The following CCNH variants were observed in gnomAD, a reference collection of about 807,000 sequenced individuals.
CCNH encodes cyclin H, also known as cyclin-H.
A neutral mutation model predicts 41.9 loss-of-function variants in CCNH; 31 were observed. The ratio of observed to expected loss-of-function variants is 0.74; its 90% CI spans 0.56 to 1.00. The LOEUF (loss-of-function observed/expected upper bound fraction) is 1.00. CCNH is among the 50% of genes least tolerant of loss of function. The pLI, the probability that CCNH is intolerant of heterozygous loss-of-function variation, is 0.00. For synonymous variants in CCNH, 138 were observed against 136.1 expected (o/e 1.01, Z -0.10); for missense variants, 362 against 388.4 (o/e 0.93, Z 0.57).
At chr5:87,379,226 G>A (rs532898003), upstream of CCNH, among the ~76,000 whole-genome samples, 75 of 152,282 alleles carry the variant, frequency 4.9e-4, 1 homozygote, top group Admixed American at 2.2e-3. Flanking sequence ...TGTTGGAAAT[G>A]TGGGGTAATG....
downstream of CCNH, among the ~76,000 whole-genome samples, chr5:87,375,905 T>C (rs904827128): frequency 2.6e-5 from 4 of 152,234 alleles, no homozygotes; most frequent in East Asian, 1.9e-4. Flanking sequence ...CCAAACCCCA[T>C]AGTAATGACA....
In CCNH at chr5:87,343,171, T is replaced by C. The variant is rs576468599; in HGVS notation, c.*91-24274A>G. ...GTAACCTTTGAGATTAAATAGATGG[T>C]ATAACTTTGGTTGAATTTCTTTCCA... is the stretch of plus-strand genomic sequence containing the variant. On this transcript the variant is annotated intron_variant and NMD_transcript_variant, in intron 9 of 9. Transcript: ENST00000645953. 3.3e-5 allele frequency among the ~76,000 whole-genome samples: 5 copies of C among 152,326 alleles called. 1 individual carries two copies. The South Asian group carries it at 1.0e-3, about 32-fold the overall frequency.
At chr5:87,342,531 T>C (rs186091939) in intron 9 of CCNH, among the ~76,000 whole-genome samples, 3 of 152,294 alleles carry the variant, frequency 2.0e-5, no homozygotes, top group African/African-American at 7.2e-5. Flanking sequence ...GGGTCAAGTA[T>C]ATATATTCCC....
chr5:87,334,522 A>G (rs1757826738), intron 9 of CCNH, among the ~76,000 whole-genome samples: 1 of 152,246 alleles, frequency 6.6e-6, no homozygotes, highest in Admixed American at 6.5e-5. Flanking sequence ...AAAATTAGCC[A>G]TCACAGTCCA....
chr5:87,362,777 G>C (rs11957884), intron 9 of CCNH: 1 of 1,310,860 alleles, frequency 7.6e-7, no homozygotes, highest in Non-Finnish European at 1.1e-6. Flanking sequence ...TGAGTTATTA[G>C]TAATTGACAC....
intron 9 of CCNH, among the ~76,000 whole-genome samples, chr5:87,323,209 A>G (rs191418579): frequency 6.6e-6 from 1 of 152,324 alleles, no homozygotes. Flanking sequence ...AAATTGTGTA[A>G]TATTTCACCC....
intron 8 of CCNH, chr5:87,394,753 G>A (rs747196447): frequency 1.5e-4 from 202 of 1,333,242 alleles, no homozygotes; most frequent in Non-Finnish European, 1.8e-4. Context: ...TTTTAAAAGG[G>A]GGTAAGGGAA....
chr5:87,349,383 G>A lies in CCNH; in HGVS notation c.*91-30486C>T, dbSNP rs374702293. 5.6e-6 allele frequency: 9 copies of A among 1,610,320 alleles called. No individual in the cohort carries two copies. Among genetic ancestry groups the A allele is most frequent in the Non-Finnish European group, 7.6e-6 (9 of 1,177,626 alleles). On this transcript the variant is annotated intron_variant and NMD_transcript_variant, in intron 9 of 9. Transcript: ENST00000645953. ...ATAACAGGTAAATCATAATTTTTTAGCTATCTTTTACTTTTCGCAAAAATA... is the reference window on the plus strand; with the variant it reads ...ATAACAGGTAAATCATAATTTTTTAACTATCTTTTACTTTTCGCAAAAATA...
exon 1 of CCNH, chr5:87,376,751 T>G (rs1479090669): frequency 1.3e-5 from 16 of 1,208,040 alleles, no homozygotes; most frequent in South Asian, 1.4e-5. Context: ...CATTCTATTT[T>G]AAATAAATTT....
intron 9 of CCNH, among the ~76,000 whole-genome samples, chr5:87,338,813 C>T (rs1260561073): frequency 6.6e-6 from 1 of 151,602 alleles, no homozygotes; most frequent in African/African-American, 2.4e-5. Flanking sequence ...ATATAATTTT[C>T]CAGTAAACTT....
downstream of CCNH, chr5:87,389,668 A>G (rs1762339481): frequency 1.7e-6 from 2 of 1,160,832 alleles, no homozygotes; most frequent in East Asian, 2.5e-5. Flanking sequence ...AAAAGATCTC[A>G]GCAGACAGAA....
rs765093179 is a variant in CCNH at position 87,337,983 on chromosome 5, A to G, written c.*91-19086T>C. 8 of 1,605,946 alleles carry G rather than the reference A, an allele frequency of 5.0e-6. No homozygotes were observed. The highest frequency in any genetic ancestry group is 1.7e-4 in the Middle Eastern group (1 of 6,028). ...AAATTGCTATTTTCAGTTTCTTAAAAGGAGATATGTTCATTGTTCATAATG... is the reference window on the plus strand; with the variant it reads ...AAATTGCTATTTTCAGTTTCTTAAAGGGAGATATGTTCATTGTTCATAATG... On this transcript the variant is annotated intron_variant and NMD_transcript_variant, in intron 9 of 9. Transcript: ENST00000645953.
At chr5:87,382,351 A>G (rs935058010) in intron 9 of CCNH, among the ~76,000 whole-genome samples, 6 of 152,244 alleles carry the variant, frequency 3.9e-5, no homozygotes, top group Non-Finnish European at 7.3e-5. Context: ...GGTAAATGCT[A>G]AGAAATTGGG....
intron 9 of CCNH, among the ~76,000 whole-genome samples, chr5:87,343,992 A>C (rs1486181966): frequency 6.6e-6 from 1 of 152,154 alleles, no homozygotes; most frequent in African/African-American, 2.4e-5. Context: ...ATGTGTTCTC[A>C]CTCATATGGG....
In CCNH at chr5:87,411,134, T is replaced by G. The variant is rs193175638; in HGVS notation, c.240+90A>C. Reference sequence around the variant, plus strand: ...TAATTAATTGTAACTAAGGTGAATTTTTAAGACTTGAGTGGACAGGGAATT... The same window carrying G: ...TAATTAATTGTAACTAAGGTGAATTGTTAAGACTTGAGTGGACAGGGAATT... On this transcript the variant is annotated intron_variant, in intron 2 of 8. Coordinates refer to ENST00000256897, the MANE Select transcript of CCNH (RefSeq NM_001239.4). 8 of 1,351,998 alleles carry G rather than the reference T, an allele frequency of 5.9e-6. No homozygotes were observed. In the Admixed American group the frequency reaches 1.6e-4, roughly 27 times the overall value. 83.8% of individuals were successfully genotyped at this position (1,351,998 alleles called of 1,614,324 possible). A position where few individuals can be genotyped will look rare whatever the true frequency, so the allele number is the denominator to read the frequency against.
intron 9 of CCNH, among the ~76,000 whole-genome samples, chr5:87,371,189 T>A (rs1760914561): frequency 6.6e-6 from 1 of 152,158 alleles, no homozygotes. Context: ...TTTTTTAATG[T>A]ATTTATACAT....
intron 9 of CCNH, among the ~76,000 whole-genome samples, chr5:87,358,421 A>G (rs747274549): frequency 2.6e-5 from 4 of 152,224 alleles, no homozygotes; most frequent in Non-Finnish European, 5.9e-5. Flanking sequence ...CTGAGAGGTT[A>G]ATAACTTAAA....
chr5:87,385,519 T>TA (rs769752421), intron 9 of CCNH: 7 of 730,920 alleles, frequency 9.6e-6, no homozygotes, highest in Non-Finnish European at 1.6e-5. Flanking sequence ...TTTGTTGGTA[T>TA]GTTTGTTTTT....
chr5:87,394,297 C>A lies in CCNH; in HGVS notation c.*149G>T, dbSNP rs957156410. The A allele has an allele frequency of 5.9e-6, 8 of 1,353,998 alleles. No individual in the cohort carries two copies. The highest frequency in any genetic ancestry group is 7.6e-6 in the Non-Finnish European group (8 of 1,047,198). 83.9% of individuals were successfully genotyped at this position (1,353,998 alleles called of 1,614,324 possible). A position where few individuals can be genotyped will look rare whatever the true frequency, so the allele number is the denominator to read the frequency against. On this transcript the variant is annotated 3_prime_UTR_variant, in exon 9 of 9. Transcript: ENST00000256897. ...GCTCTTTTGAAGATGGTTTATTTTACATAAAGTTACTGTGAAAGGGAAAGA... is the reference window on the plus strand; with the variant it reads ...GCTCTTTTGAAGATGGTTTATTTTAAATAAAGTTACTGTGAAAGGGAAAGA...
Sources: gnomAD v4.1 joint callset for allele counts (sites outside exome capture counted in the v4.1 genomes callset) on GRCh38, gnomAD v4.1.1 for gene constraint, MANE v1.5 for transcripts, NCBI Gene and HGNC (gene_info 2026-07-23, HGNC 2026-07-21) for gene names.